RP1: variants seen among roughly 807,000 people sequenced by gnomAD.
RP1 encodes the protein oxygen-regulated protein 1.
Under a neutral mutation model 14.8 loss-of-function variants are expected in RP1, and 16 were observed. That is an observed-to-expected ratio of 1.08 (90% CI 0.73 to 1.65). The LOEUF (loss-of-function observed/expected upper bound fraction) is 1.65. Among genes scored for constraint, RP1 ranks in the 40% most tolerant of loss-of-function variants. RP1 has a pLI of 0.00. For missense variants in RP1, 2,631 were observed against 2,535.0 expected (o/e 1.04, Z -0.81); for synonymous variants, 876 against 883.6 (o/e 0.99, Z 0.15).
intron 24 of RP1, among the ~76,000 whole-genome samples, chr8:54,821,951 T>A (rs1323453358): frequency 6.6e-6 from 1 of 152,164 alleles, no homozygotes; most frequent in African/African-American, 2.4e-5. Flanking sequence ...TCAGGACCAG[T>A]GCTAAAGGAC....
chr8:54,750,779 C>T (rs1386295450), intron 19 of RP1, among the ~76,000 whole-genome samples: 1 of 152,004 alleles, frequency 6.6e-6, no homozygotes, highest in Non-Finnish European at 1.5e-5. Context: ...AATCAGTGCC[C>T]TGCACAACTC....
chr8:54,567,477 A>G (rs1191795353), intron 1 of RP1, among the ~76,000 whole-genome samples: 1 of 152,236 alleles, frequency 6.6e-6, no homozygotes, highest in African/African-American at 2.4e-5. Context: ...AAGTAAAAAT[A>G]TAGGTAAGCA....
intron 24 of RP1, among the ~76,000 whole-genome samples, chr8:54,822,360 G>C (rs1811277014): frequency 7.3e-6 from 1 of 136,394 alleles, no homozygotes; most frequent in Non-Finnish European, 1.7e-5. Flanking sequence ...CTATGATTTT[G>C]TATAATAATA....
Position 54,652,906 on chromosome 8 carries a change from C to T in RP1, c.1038+40C>T, listed in dbSNP as rs568944566. The T allele has an allele frequency of 6.2e-5, 85 of 1,375,196 alleles. No homozygotes were observed. The African/African-American group carries it at 1.1e-3, about 18-fold the overall frequency. 85.2% of individuals were successfully genotyped at this position (1,375,196 alleles called of 1,614,324 possible). ...ACACTTTCCCATTCTTTGCAAAATC[C>T]TCTGCATATTCCTCTCAGGAGTCAA... is the stretch of plus-strand genomic sequence containing the variant. On this transcript the variant is annotated intron_variant, in intron 5 of 22. Transcript: ENST00000636932.
At chr8:54,569,655 T>C (rs1804479818) in intron 1 of RP1, among the ~76,000 whole-genome samples, 1 of 152,162 alleles carries the variant, frequency 6.6e-6, no homozygotes, top group Non-Finnish European at 1.5e-5. Context: ...CACCAAGTAA[T>C]GAATATAGGA....
intron 19 of RP1, among the ~76,000 whole-genome samples, chr8:54,750,857 A>G (rs1055119203): frequency 2.0e-5 from 3 of 152,330 alleles, no homozygotes; most frequent in East Asian, 1.9e-4. Context: ...CTGAAAGCCA[A>G]TTGCAGGGAG....
chr8:54,724,586 T>G (rs1360633452), intron 16 of RP1, among the ~76,000 whole-genome samples: 1 of 152,152 alleles, frequency 6.6e-6, no homozygotes, highest in East Asian at 1.9e-4. Context: ...ACTTTTTTTT[T>G]TAAATTGTAA....
intron 21 of RP1, among the ~76,000 whole-genome samples, chr8:54,756,212 C>A (rs1481052587): frequency 6.6e-6 from 1 of 152,164 alleles, no homozygotes; most frequent in Non-Finnish European, 1.5e-5. Flanking sequence ...ATTTTCACAC[C>A]TAAGCCCCTC....
chr8:54,720,360 T>C, intron 16 of RP1: 1 of 1,413,164 alleles, frequency 7.1e-7, no homozygotes, highest in Non-Finnish European at 9.4e-7. Flanking sequence ...ATGGTTTGTG[T>C]ACAGTGTCTG....
At chr8:54,611,934 C>A (rs1805608216), upstream of RP1, among the ~76,000 whole-genome samples, 1 of 148,418 alleles carries the variant, frequency 6.7e-6, no homozygotes, top group African/African-American at 2.5e-5. Flanking sequence ...TGCCCCCCAA[C>A]CTTTCTTTTT....
chr8:54,626,863 T>G lies in RP1; in HGVS notation c.2981T>G (p.Phe994Cys). The G allele has an allele frequency of 6.2e-7, 1 of 1,613,890 alleles. No homozygotes were observed. The highest frequency in any genetic ancestry group is 8.5e-7 in the Non-Finnish European group (1 of 1,179,980). ...CTATGTAAAGAGGGAGATAAGTCTT[T>G]TATTGCCAATGACACTGGTGAAGAA... ...DNLCKEGDKS[F>C]IANDTGEEDL... Residue 994 changes from phenylalanine to cysteine, a missense_variant, in exon 4 of 4, where the codon TTT (phenylalanine) becomes TGT (cysteine). Transcript: ENST00000220676.
chr8:54,840,691 T>C (rs1464403292), intron 25 of RP1, among the ~76,000 whole-genome samples: 1 of 150,738 alleles, frequency 6.6e-6, no homozygotes, highest in Admixed American at 6.6e-5. Flanking sequence ...TGATTTTGGG[T>C]CCATTTAACT....
At chr8:54,782,700 G>A (rs754345775) in intron 23 of RP1, among the ~76,000 whole-genome samples, 1 of 151,966 alleles carries the variant, frequency 6.6e-6, no homozygotes, top group African/African-American at 2.4e-5. Flanking sequence ...TCATTGCTGT[G>A]GGTTGATGAT....
chr8:54,748,571 T>C (rs4737673), intron 19 of RP1, among the ~76,000 whole-genome samples: 119,233 of 152,186 alleles, frequency 0.78, 47,363 homozygotes, highest in African/African-American at 0.92. Context: ...GAAATAAGGA[T>C]ATTTAGAGTC....
chr8:54,764,000 A>G (rs1444590241), intron 22 of RP1, among the ~76,000 whole-genome samples: 1 of 152,210 alleles, frequency 6.6e-6, no homozygotes, highest in African/African-American at 2.4e-5. Flanking sequence ...CTATGGCTAG[A>G]ATAGACTATC....
At chr8:54,855,688 G>A (rs1382971034) in intron 26 of RP1, among the ~76,000 whole-genome samples, 3 of 152,092 alleles carry the variant, frequency 2.0e-5, no homozygotes, top group Non-Finnish European at 2.9e-5. Flanking sequence ...CATGACACTT[G>A]AATGTGTGCT....
intron 1 of RP1, among the ~76,000 whole-genome samples, chr8:54,601,226 C>T (rs1385459030): frequency 1.3e-5 from 2 of 152,136 alleles, no homozygotes; most frequent in Non-Finnish European, 2.9e-5. Flanking sequence ...GCTTTGAAAT[C>T]CTATCATAAG....
upstream of RP1, among the ~76,000 whole-genome samples, chr8:54,613,635 C>A (rs940244541): frequency 5.9e-5 from 9 of 152,078 alleles, no homozygotes; most frequent in Non-Finnish European, 1.0e-4. Context: ...TTACTTCATT[C>A]AGCGTGTTGA....
At chr8:54,730,285 C>T (rs1202056795) in intron 17 of RP1, among the ~76,000 whole-genome samples, 2 of 152,088 alleles carry the variant, frequency 1.3e-5, no homozygotes, top group East Asian at 1.9e-4. Flanking sequence ...GTATATTCTT[C>T]TTATATGTAT....
Sources: gnomAD v4.1 joint callset for allele counts (sites outside exome capture counted in the v4.1 genomes callset) on GRCh38, gnomAD v4.1.1 for gene constraint, MANE v1.5 for transcripts, NCBI Gene and HGNC (gene_info 2026-07-23, HGNC 2026-07-21) for gene names.